Variants in KIAA0319L observed in about 807,000 individuals in gnomAD.
KIAA0319L encodes the protein KIAA0319 like.
KIAA0319L carries 55 observed loss-of-function variants against 120.1 expected under a neutral mutation model. The observed-to-expected ratio is 0.46, with a 90% CI of 0.37 to 0.57. The LOEUF is 0.57. Ranked by LOEUF, KIAA0319L falls within the 20% of genes least tolerant of loss-of-function variation. The probability of loss-of-function intolerance (pLI) is 0.00; values close to 1 mark genes in which losing one functional copy is unlikely to be tolerated. For synonymous variants in KIAA0319L, 398 were observed against 471.9 expected (o/e 0.84, Z 2.03); for missense variants, 1,049 against 1,255.3 (o/e 0.84, Z 2.48).
At chr1:35,449,195 G>A (rs567920352) in intron 15 of KIAA0319L, among the ~76,000 whole-genome samples, 9 of 152,262 alleles carry the variant, frequency 5.9e-5, no homozygotes, top group African/African-American at 2.2e-4. Context: ...CCATATATGA[G>A]GTTGGCCTAG....
chr1:35,492,884 C>G (rs560340555), intron 3 of KIAA0319L, among the ~76,000 whole-genome samples: 2 of 152,288 alleles, frequency 1.3e-5, no homozygotes, highest in South Asian at 4.1e-4. Context: ...GGAGGCCTGG[C>G]ATGGCGGCTC....
At chr1:35,512,871 CAAAAAA>C (rs746942793) in intron 2 of KIAA0319L, among the ~76,000 whole-genome samples, 1 of 48,390 alleles carries the variant, frequency 2.1e-5, no homozygotes, top group Non-Finnish European at 5.3e-5. Context: ...GACTCCATCT[CAAAAAA>C]AAAAAAAAAA....
intron 16 of KIAA0319L, among the ~76,000 whole-genome samples, chr1:35,447,574 CT>C (rs113794462): frequency 0.035 from 4,884 of 141,176 alleles, 114 homozygotes; most frequent in Admixed American, 0.054. Context: ...CTTTTTTTTT[CT>C]TTTTTTTTTT....
chr1:35,479,914 A>G (rs1279667186), intron 3 of KIAA0319L, among the ~76,000 whole-genome samples: 3 of 150,558 alleles, frequency 2.0e-5, no homozygotes. Context: ...AAAAGAAAAA[A>G]AAAAAGTAAA....
At chr1:35,507,999 T>A (rs1181447107) in intron 2 of KIAA0319L, among the ~76,000 whole-genome samples, 1 of 152,236 alleles carries the variant, frequency 6.6e-6, no homozygotes, top group African/African-American at 2.4e-5. Flanking sequence ...TTTTCTTAGA[T>A]GAAGTCAAAA....
intron 2 of KIAA0319L, among the ~76,000 whole-genome samples, chr1:35,518,084 T>C (rs922458180): frequency 1.3e-5 from 2 of 152,144 alleles, no homozygotes; most frequent in Admixed American, 6.5e-5. Context: ...GCTGGCAAGA[T>C]TGCGGAGAAA....
intron 3 of KIAA0319L, among the ~76,000 whole-genome samples, chr1:35,487,441 G>C (rs1246436436): frequency 6.6e-6 from 1 of 152,136 alleles, no homozygotes; most frequent in Non-Finnish European, 1.5e-5. Context: ...TTTTAGTAGA[G>C]ACGGGGTTTC....
At chr1:35,480,156 C>CA (rs1193797869) in intron 3 of KIAA0319L, among the ~76,000 whole-genome samples, 1 of 151,454 alleles carries the variant, frequency 6.6e-6, no homozygotes, top group Non-Finnish European at 1.5e-5. Context: ...AATGTAGGCA[C>CA]AAAAAATGAA....
chr1:35,454,428 G>A lies in KIAA0319L; in HGVS notation c.1714C>T (p.Gln572Ter). The A allele has an allele frequency of 6.2e-7, 1 of 1,614,140 alleles. No individual in the cohort carries two copies. The highest frequency in any genetic ancestry group is 1.3e-5 in the African/African-American group (1 of 75,060). The stretch of plus-strand genomic sequence containing the variant: ...CCTATTGTGTCAGTCACTGTGAGCT[G>A]GTAAGTGTAGTCTCCTTCTTGCATC... ...SAMQEGDYTY[Q>*]LTVTDTIGQQ... The change falls in exon 11 of 21, where the codon CAG becomes TAG. Residue 572 changes from glutamine to a stop codon, truncating the protein, a stop_gained. Coordinates refer to ENST00000325722, the MANE Select transcript of KIAA0319L (RefSeq NM_024874.5). LOFTEE classifies it high-confidence loss of function.
chr1:35,451,508 C>T (rs1315826043), intron 13 of KIAA0319L, 120 bp downstream of exon 13: 1 of 962,800 alleles, frequency 1.0e-6, no homozygotes, highest in African/African-American at 1.6e-5. Context: ...GCCCTCACCC[C>T]AACCCTCTTA....
intron 8 of KIAA0319L, among the ~76,000 whole-genome samples, chr1:35,461,913 C>T (rs1642920048): frequency 6.6e-6 from 1 of 152,110 alleles, no homozygotes; most frequent in Non-Finnish European, 1.5e-5. Context: ...GTGACTGCCT[C>T]TCCCAAAAAC....
At chr1:35,513,170 C>T (rs905812257) in intron 2 of KIAA0319L, among the ~76,000 whole-genome samples, 3 of 148,908 alleles carry the variant, frequency 2.0e-5, no homozygotes, top group Admixed American at 1.3e-4. Flanking sequence ...GTTTGATTCA[C>T]TATTTACTAC....
chr1:35,535,723 C>G (rs1276884276), intron 2 of KIAA0319L, among the ~76,000 whole-genome samples: 2 of 152,072 alleles, frequency 1.3e-5, no homozygotes, highest in Admixed American at 1.3e-4. Flanking sequence ...ACCACTTTTT[C>G]CAGGAAGGCT....
chr1:35,523,625 G>A (rs969206964), intron 2 of KIAA0319L, among the ~76,000 whole-genome samples: 5 of 152,176 alleles, frequency 3.3e-5, no homozygotes, highest in African/African-American at 9.7e-5. Flanking sequence ...CGGGTAGAAC[G>A]TGGTATAAAT....
chr1:35,443,365 C>T lies in KIAA0319L; in HGVS notation c.2657-337G>A, dbSNP rs1025837113. 3 of 208,836 alleles carry T rather than the reference C, an allele frequency of 1.4e-5. No homozygotes were observed. The East Asian group carries it at 3.5e-4, about 24-fold the overall frequency. 12.9% of individuals were successfully genotyped at this position (208,836 alleles called of 1,614,324 possible). A position where few individuals can be genotyped will look rare whatever the true frequency, so the allele number is the denominator to read the frequency against. ...AAAGGAAGGCAATAATTATATTAAA[C>T]GTTTTTGAAATATTTAAGAAGACAG... On this transcript the variant is annotated intron_variant, in intron 17 of 20. Coordinates refer to ENST00000325722, the MANE Select transcript of KIAA0319L (RefSeq NM_024874.5).
chr1:35,468,014 C>T lies in KIAA0319L; in HGVS notation c.1114-1319G>A, dbSNP rs151309335. ...ACAATCTTTTTAATATTTATTTTAA[C>T]GACCACAAAGCAGTATATGAACAAA... On this transcript the variant is annotated intron_variant, in intron 6 of 20. Transcript: ENST00000325722. 1.5e-3 allele frequency among the ~76,000 whole-genome samples: 223 copies of T among 152,210 alleles called. 1 individual carries two copies. Among genetic ancestry groups the T allele is most frequent in the African/African-American group, 5.1e-3 (210 of 41,534 alleles).
At chr1:35,521,400 C>G (rs1645905423) in intron 2 of KIAA0319L, among the ~76,000 whole-genome samples, 2 of 151,784 alleles carry the variant, frequency 1.3e-5, no homozygotes, top group Admixed American at 6.6e-5. Flanking sequence ...TTCGGGAGGC[C>G]AAGATGGGGA....
chr1:35,512,974 C>T (rs1350943858), intron 2 of KIAA0319L, among the ~76,000 whole-genome samples: 1 of 150,862 alleles, frequency 6.6e-6, no homozygotes, highest in South Asian at 2.1e-4. Context: ...AGGCTGCTGC[C>T]TATTTTTATA....
intron 2 of KIAA0319L, among the ~76,000 whole-genome samples, chr1:35,524,568 T>C (rs1646047196): frequency 6.6e-6 from 1 of 152,288 alleles, no homozygotes; most frequent in South Asian, 2.1e-4. Context: ...GACTGTTTTA[T>C]TCCTAAATTA....
Sources: allele counts gnomAD v4.1 joint callset (sites outside exome capture counted in the v4.1 genomes callset), GRCh38; gene constraint gnomAD v4.1.1; transcripts MANE v1.5; gene names NCBI Gene and HGNC (gene_info 2026-07-23, HGNC 2026-07-21).